Variants in PDCD1LG2 observed in about 807,000 individuals in gnomAD.
The protein encoded by PDCD1LG2 is programmed cell death 1 ligand 2, also known as B7 dendritic cell molecule.
A neutral mutation model predicts 28.2 loss-of-function variants in PDCD1LG2; 32 were observed. The ratio of observed to expected loss-of-function variants is 1.13; its 90% CI spans 0.86 to 1.52. PDCD1LG2 has a LOEUF of 1.52. PDCD1LG2 is among the 40% of genes most tolerant of loss of function. The pLI, the probability that PDCD1LG2 is intolerant of heterozygous loss-of-function variation, is 0.00. For synonymous variants in PDCD1LG2, 116 were observed against 120.2 expected (o/e 0.97, Z 0.23); for missense variants, 385 against 323.8 (o/e 1.19, Z -1.45).
intron 2 of PDCD1LG2, among the ~76,000 whole-genome samples, chr9:5,525,333 A>C (rs1268731626): frequency 7.1e-6 from 1 of 141,148 alleles, no homozygotes; most frequent in Non-Finnish European, 1.5e-5. Context: ...TGACAGAGTG[A>C]GATTCCATTT....
intron 6 of PDCD1LG2, among the ~76,000 whole-genome samples, chr9:5,567,396 G>T (rs769022963): frequency 3.9e-5 from 6 of 152,208 alleles, no homozygotes; most frequent in Non-Finnish European, 8.8e-5. Context: ...TGTGGAAGTT[G>T]TTCTTGTATC....
At chr9:5,521,508 T>G (rs1256924307) in intron 1 of PDCD1LG2, among the ~76,000 whole-genome samples, 3 of 152,180 alleles carry the variant, frequency 2.0e-5, no homozygotes, top group African/African-American at 7.2e-5. Flanking sequence ...TTCTCACCCC[T>G]ACTAGCCCCT....
intron 3 of PDCD1LG2, among the ~76,000 whole-genome samples, chr9:5,538,841 T>A (rs1245422163): frequency 2.0e-5 from 3 of 152,204 alleles, no homozygotes; most frequent in South Asian, 2.1e-4. Flanking sequence ...ATGTATTTTA[T>A]CTTTTTTTAA....
intron 6 of PDCD1LG2, among the ~76,000 whole-genome samples, chr9:5,568,056 T>C (rs1816699995): frequency 6.6e-6 from 1 of 152,240 alleles, no homozygotes; most frequent in African/African-American, 2.4e-5. Flanking sequence ...ATTTCAGTGG[T>C]TTCCAATTTC....
rs188621260 is a variant in PDCD1LG2 at position 5,547,895 on chromosome 9, G to A, written c.362-1440G>A. On this transcript the variant is annotated intron_variant, in intron 3 of 6. Transcript: ENST00000397747. ...GGAGGTTGCAGTGAGCCGAGATCACGCTGTTGCACTCCAGCCTGGGTGACG... is the reference window on the plus strand; with the variant it reads ...GGAGGTTGCAGTGAGCCGAGATCACACTGTTGCACTCCAGCCTGGGTGACG... 3.6e-4 allele frequency among the ~76,000 whole-genome samples: 53 copies of A among 145,764 alleles called. No individual in the cohort carries two copies. The East Asian group carries it at 8.6e-3, about 24-fold the overall frequency.
chr9:5,524,702 G>A lies in PDCD1LG2; in HGVS notation c.55+2101G>A, dbSNP rs181865365. 3.9e-5 allele frequency among the ~76,000 whole-genome samples: 6 copies of A among 152,188 alleles called. No homozygotes were observed. In the East Asian group the frequency reaches 5.8e-4, roughly 15 times the overall value. ...GTGTTTACTTCTGGGGAGGGGAGGA[G>A]GTCTGGGATGGGGGTAAAAAGGATA... On this transcript the variant is annotated intron_variant, in intron 2 of 6. Coordinates refer to ENST00000397747, the MANE Select transcript of PDCD1LG2 (RefSeq NM_025239.4).
chr9:5,523,476 G>T (rs1016278627), intron 2 of PDCD1LG2, among the ~76,000 whole-genome samples: 2 of 152,150 alleles, frequency 1.3e-5, no homozygotes, highest in Non-Finnish European at 2.9e-5. Flanking sequence ...GCTGGTTCCA[G>T]ATCACTCTTC....
At chr9:5,528,089 C>T (rs1820412977) in intron 2 of PDCD1LG2, among the ~76,000 whole-genome samples, 1 of 151,828 alleles carries the variant, frequency 6.6e-6, no homozygotes, top group African/African-American at 2.4e-5. Context: ...CTTGGCCTCC[C>T]AAAATGCTGG....
intron 5 of PDCD1LG2, among the ~76,000 whole-genome samples, chr9:5,559,518 T>C (rs1816516181): frequency 6.6e-6 from 1 of 152,212 alleles, no homozygotes; most frequent in Admixed American, 6.5e-5. Context: ...GTTGGCTTTC[T>C]GACCTTGTAC....
intron 4 of PDCD1LG2, among the ~76,000 whole-genome samples, chr9:5,550,590 C>T (rs1272204065): frequency 2.0e-5 from 3 of 152,168 alleles, no homozygotes; most frequent in Admixed American, 6.5e-5. Context: ...TCTTTTCCAG[C>T]TGCTAGAGGC....
intron 2 of PDCD1LG2, among the ~76,000 whole-genome samples, chr9:5,529,458 T>C (rs1820440512): frequency 6.6e-6 from 1 of 152,250 alleles, no homozygotes; most frequent in South Asian, 2.1e-4. Context: ...AATCAATTAG[T>C]CATATTTATG....
intron 3 of PDCD1LG2, among the ~76,000 whole-genome samples, chr9:5,542,462 T>A (rs1038632665): frequency 6.6e-6 from 1 of 152,138 alleles, no homozygotes; most frequent in African/African-American, 2.4e-5. Context: ...ATATCCAGAA[T>A]CTACAAGGTA....
At chr9:5,515,028 A>G (rs1403916749) in intron 1 of PDCD1LG2, among the ~76,000 whole-genome samples, 4 of 152,180 alleles carry the variant, frequency 2.6e-5, no homozygotes, top group African/African-American at 9.7e-5. Flanking sequence ...TAGACCAAAG[A>G]TTACCACCCT....
At chr9:5,552,493 T>A (rs1404481796) in intron 4 of PDCD1LG2, among the ~76,000 whole-genome samples, 1 of 152,128 alleles carries the variant, frequency 6.6e-6, no homozygotes, top group Non-Finnish European at 1.5e-5. Context: ...CCTGCAGCAC[T>A]GGGATAGCCC....
At chr9:5,549,284 T>G in intron 3 of PDCD1LG2, 51 bp from the exon 4 acceptor site, 1 of 1,536,326 alleles carries the variant, frequency 6.5e-7, no homozygotes, top group Non-Finnish European at 8.9e-7. Context: ...TACCAAGCTC[T>G]ATAGGAATCA....
chr9:5,532,529 C>G (rs1276509796), intron 2 of PDCD1LG2, among the ~76,000 whole-genome samples: 1 of 152,162 alleles, frequency 6.6e-6, no homozygotes, highest in Non-Finnish European at 1.5e-5. Context: ...TTGCCAAGCT[C>G]TTAACTAGAA....
chr9:5,560,643 G>A (rs781674462), intron 5 of PDCD1LG2, among the ~76,000 whole-genome samples: 5 of 150,122 alleles, frequency 3.3e-5, no homozygotes, highest in Admixed American at 6.6e-5. Flanking sequence ...AGCCTGGGAC[G>A]CCAGTCCTAA....
chr9:5,565,730 C>G (rs1476895169), intron 6 of PDCD1LG2, among the ~76,000 whole-genome samples: 1 of 151,934 alleles, frequency 6.6e-6, no homozygotes, highest in African/African-American at 2.4e-5. Flanking sequence ...ATCAATGTTT[C>G]TTATAGTTTA....
At chr9:5,567,936 T>A (rs1816696882) in intron 6 of PDCD1LG2, among the ~76,000 whole-genome samples, 1 of 152,192 alleles carries the variant, frequency 6.6e-6, no homozygotes, top group Admixed American at 6.5e-5. Flanking sequence ...CGTTTTTTGT[T>A]TTGTTTTGTT....
Sources: gnomAD v4.1 joint callset for allele counts (sites outside exome capture counted in the v4.1 genomes callset) on GRCh38, gnomAD v4.1.1 for gene constraint, MANE v1.5 for transcripts, NCBI Gene and HGNC (gene_info 2026-07-23, HGNC 2026-07-21) for gene names.